The following PXDNL variants were observed in gnomAD, a reference collection of about 807,000 sequenced individuals.
PXDNL encodes peroxidasin like.
A neutral mutation model predicts 150.8 loss-of-function variants in PXDNL; 145 were observed. The observed-to-expected ratio is 0.96, with a 90% CI of 0.84 to 1.10. The LOEUF is 1.10. PXDNL is among the 50% of genes least tolerant of loss of function. The pLI is 0.00. For synonymous variants in PXDNL, 757 were observed against 725.7 expected, an observed-to-expected ratio of 1.04 and a Z score of -0.69; for missense variants, 2,087 against 1,873.9, an observed-to-expected ratio of 1.11 and a Z score of -2.10.
chr8:51,481,456 A>G (rs1810601745), intron 6 of PXDNL, among the ~76,000 whole-genome samples: 1 of 152,162 alleles, frequency 6.6e-6, no homozygotes, highest in Non-Finnish European at 1.5e-5. Flanking sequence ...GAAAATAAAA[A>G]CCCATTTTCT....
At chr8:51,600,127 GATA>G (rs1813665893) in intron 2 of PXDNL, among the ~76,000 whole-genome samples, 1 of 142,732 alleles carries the variant, frequency 7.0e-6, no homozygotes, top group Non-Finnish European at 1.5e-5. Flanking sequence ...ATATCGTTTA[GATA>G]ATAAATTATA....
chr8:51,376,152 T>C (rs900284117), intron 17 of PXDNL, among the ~76,000 whole-genome samples: 3 of 152,212 alleles, frequency 2.0e-5, no homozygotes, highest in Non-Finnish European at 4.4e-5. Context: ...CATATGTATA[T>C]CTTCAATGTT....
At chr8:51,499,224 G>A (rs1169399252) in intron 5 of PXDNL, among the ~76,000 whole-genome samples, 3 of 152,174 alleles carry the variant, frequency 2.0e-5, no homozygotes, top group Admixed American at 6.5e-5. Flanking sequence ...ACGCCTCCCG[G>A]ACTCAAGTGA....
At chr8:51,566,890 T>G (rs1812840736) in intron 3 of PXDNL, among the ~76,000 whole-genome samples, 1 of 151,584 alleles carries the variant, frequency 6.6e-6, no homozygotes, top group East Asian at 2.0e-4. Context: ...ATTATTGATT[T>G]TATATCTTTT....
intron 8 of PXDNL, among the ~76,000 whole-genome samples, chr8:51,460,352 T>G (rs2130017849): frequency 6.7e-6 from 1 of 149,384 alleles, no homozygotes; most frequent in East Asian, 2.0e-4. Flanking sequence ...CAATCATATT[T>G]ACCATGTTTA....
In PXDNL at chr8:51,718,929, C is replaced by T. The variant is rs534097019; in HGVS notation, c.165-64169G>A. 1.7e-4 allele frequency among the ~76,000 whole-genome samples: 26 copies of T among 152,254 alleles called. No homozygotes were observed. The East Asian group carries it at 4.9e-3, about 28-fold the overall frequency. ...TCCTCCCTCGCCCAGCCAGCCGCCC[C>T]GTCCGGGAGGGAGGCGGGGGGCAGC... On this transcript the variant is annotated intron_variant, in intron 1 of 22. Transcript: ENST00000356297.
In PXDNL at chr8:51,615,749, A is replaced by G. The variant is rs149318800; in HGVS notation, c.237-23051T>C. 1.6e-3 allele frequency among the ~76,000 whole-genome samples: 249 copies of G among 152,358 alleles called. 4 individuals are homozygous for G. In the East Asian group the frequency reaches 0.039, roughly 24 times the overall value. The stretch of plus-strand genomic sequence containing the variant: ...TGATGACAATTCACTGAAATAACAC[A>G]TTTACAATTCATAATAAGTCAAAGA... On this transcript the variant is annotated intron_variant, in intron 2 of 22. Coordinates refer to ENST00000356297, the MANE Select transcript of PXDNL (RefSeq NM_144651.5).
intron 1 of PXDNL, among the ~76,000 whole-genome samples, chr8:51,753,043 A>T (rs1415051132): frequency 1.3e-5 from 2 of 152,238 alleles, no homozygotes; most frequent in Non-Finnish European, 2.9e-5. Flanking sequence ...TTCGTCCTGC[A>T]CATCAGTGAA....
chr8:51,668,176 CTTTT>C (rs71550279), intron 1 of PXDNL, among the ~76,000 whole-genome samples: 1 of 77,386 alleles, frequency 1.3e-5, no homozygotes, highest in Non-Finnish European at 2.2e-5. Flanking sequence ...CTCGCTCTCT[CTTTT>C]TTTTTTTTTT....
At chr8:51,448,336 C>A (rs13279088) in intron 11 of PXDNL, among the ~76,000 whole-genome samples, 118,755 of 151,800 alleles carry the variant, frequency 0.78, 47,206 homozygotes, top group South Asian at 0.85. Context: ...AGCTTCACTT[C>A]GGATTTCATT....
At chr8:51,771,454 C>T (rs370072464) in intron 1 of PXDNL, among the ~76,000 whole-genome samples, 4 of 152,306 alleles carry the variant, frequency 2.6e-5, no homozygotes, top group South Asian at 2.1e-4. Context: ...ACATGGCCCG[C>T]GGTGACACGC....
rs368309077 is a variant in PXDNL at position 51,339,970 on chromosome 8, T to A, written c.4017-217A>T. ...AGAGTGTCACATCTGGTTCATGTAA[T>A]TTATCTAAAATAATAAGAAAGTATT... On this transcript the variant is annotated intron_variant, in intron 20 of 22. Coordinates refer to ENST00000356297, the MANE Select transcript of PXDNL (RefSeq NM_144651.5). 472 of 396,446 alleles carry A rather than the reference T, an allele frequency of 1.2e-3. 2 individuals carry two copies. The highest frequency in any genetic ancestry group is 1.3e-3 in the Non-Finnish European group (287 of 223,970). 24.6% of individuals were successfully genotyped at this position (396,446 alleles called of 1,614,324 possible).
chr8:51,481,326 A>T (rs1466504005), intron 6 of PXDNL, among the ~76,000 whole-genome samples: 1 of 152,184 alleles, frequency 6.6e-6, no homozygotes, highest in Non-Finnish European at 1.5e-5. Flanking sequence ...AGATCTGTGG[A>T]AATTTGAACT....
chr8:51,485,435 C>T (rs532593099), intron 5 of PXDNL, among the ~76,000 whole-genome samples: 3 of 152,266 alleles, frequency 2.0e-5, no homozygotes, highest in South Asian at 2.1e-4. Flanking sequence ...TCCTGACTTT[C>T]GGATTTCCAT....
intron 20 of PXDNL, among the ~76,000 whole-genome samples, chr8:51,342,879 C>CAAA (rs35948794): frequency 4.4e-5 from 4 of 90,208 alleles, no homozygotes; most frequent in Admixed American, 1.2e-4. Context: ...GATTAAGATT[C>CAAA]AAAAAAAAAA....
At chr8:51,455,742 T>C (rs940981728) in intron 9 of PXDNL, among the ~76,000 whole-genome samples, 2 of 152,034 alleles carry the variant, frequency 1.3e-5, no homozygotes, top group African/African-American at 4.8e-5. Flanking sequence ...AAGGAGACAG[T>C]GGTGTTTCAA....
At chr8:51,367,986 G>C (rs1357234265) in intron 19 of PXDNL, among the ~76,000 whole-genome samples, 1 of 152,150 alleles carries the variant, frequency 6.6e-6, no homozygotes, top group Non-Finnish European at 1.5e-5. Flanking sequence ...AAATTAGCCA[G>C]GTCTGATGGC....
At chr8:51,508,917 C>A (rs973364198) in intron 4 of PXDNL, among the ~76,000 whole-genome samples, 1 of 152,164 alleles carries the variant, frequency 6.6e-6, no homozygotes, top group African/African-American at 2.4e-5. Flanking sequence ...CCTTTTACTT[C>A]TTTCTTTCTC....
intron 1 of PXDNL, among the ~76,000 whole-genome samples, chr8:51,804,134 G>A (rs1032606025): frequency 6.6e-6 from 1 of 152,236 alleles, no homozygotes; most frequent in Non-Finnish European, 1.5e-5. Flanking sequence ...TATGTAAGAT[G>A]AATATTGATT....
Sources: allele counts gnomAD v4.1 joint callset (sites outside exome capture counted in the v4.1 genomes callset), GRCh38; gene constraint gnomAD v4.1.1; transcripts MANE v1.5; gene names NCBI Gene and HGNC (gene_info 2026-07-23, HGNC 2026-07-21).